The following NINL variants were observed in gnomAD, a reference collection of about 807,000 sequenced individuals.
The protein encoded by NINL is ninein-like protein.
NINL carries 153 observed loss-of-function variants against 160.3 expected under a neutral mutation model. The observed-to-expected ratio is 0.95, with a 90% CI of 0.84 to 1.09. The LOEUF is 1.09. NINL is among the 50% of genes least tolerant of loss of function. The pLI, the probability that NINL is intolerant of heterozygous loss-of-function variation, is 0.00. For missense variants in NINL, 1,829 were observed against 1,764.0 expected, an observed-to-expected ratio of 1.04 and a Z score of -0.66; for synonymous variants, 800 against 734.8, an observed-to-expected ratio of 1.09 and a Z score of -1.43.
Position 25,480,218 on chromosome 20 carries a change from C to G in NINL, c.1860G>C (p.Leu620=), listed in dbSNP as rs901844819. Residue 620 remains leucine (L), a synonymous_variant, in exon 15 of 24, where the codon CTG becomes CTC. Transcript: ENST00000278886. ...NSAPVSIETE[L]MMEQVKEHYQ... is the part of the protein sequence containing the mutation. ...AATGCTCCTTTACCTGCTCCATCAT[C>G]AGCTCCGTTTCTATACTCACTGGAG... 3 of 1,614,012 alleles carry G rather than the reference C, an allele frequency of 1.9e-6. No homozygotes were observed. Among genetic ancestry groups the G allele is most frequent in the African/African-American group, 1.3e-5 (1 of 74,924 alleles).
intron 1 of NINL, among the ~76,000 whole-genome samples, chr20:25,532,397 C>T (rs565204510): frequency 3.3e-5 from 5 of 152,378 alleles, no homozygotes; most frequent in South Asian, 2.1e-4. Flanking sequence ...TGGCAAACAG[C>T]GGTCCCCTCT....
intron 1 of NINL, among the ~76,000 whole-genome samples, chr20:25,566,701 G>C (rs1228115844): frequency 6.6e-6 from 1 of 152,202 alleles, no homozygotes; most frequent in African/African-American, 2.4e-5. Context: ...GGCCAAGGCA[G>C]GAGGCTTGCT....
chr20:25,462,642 ATTTGT>A (rs113237945), intron 19 of NINL, 101 bp from the exon 20 acceptor site: 141 of 838,040 alleles, frequency 1.7e-4, no homozygotes, highest in Middle Eastern at 7.2e-4. Flanking sequence ...TTAAGTAGTC[ATTTGT>A]TTTGTTTTGT....
chr20:25,495,067 G>A (rs1239211072), intron 10 of NINL, among the ~76,000 whole-genome samples: 2 of 152,118 alleles, frequency 1.3e-5, no homozygotes, highest in Non-Finnish European at 2.9e-5. Flanking sequence ...GCTGTTACGT[G>A]AGGCGACCCC....
At chr20:25,501,142 G>C in intron 7 of NINL, 132 bp from the exon 8 acceptor site, 2 of 1,182,544 alleles carry the variant, frequency 1.7e-6, no homozygotes, top group Non-Finnish European at 1.2e-6. Flanking sequence ...ACCATCCTCA[G>C]CTCTCAGAGG....
At position 25,458,435 on chromosome 20, in the gene NINL, C is replaced by T. The variant is rs763276747; in HGVS notation, c.3791G>A (p.Arg1264His). 19 of 1,606,118 alleles carry T rather than the reference C, an allele frequency of 1.2e-5. No individual in the cohort carries two copies. The highest frequency in any genetic ancestry group is 2.7e-5 in the African/African-American group (2 of 75,020). ...CTGCTCTCCCTGAAGGCTGAGCAGG[C>T]GATGCAGCTCGGCCACACGGTCCTG... Reference protein sequence around the residue: ...VPQDRVAELHRLLSLQGEQAR... With the variant: ...VPQDRVAELHHLLSLQGEQAR... Residue 1264 changes from arginine (R) to histidine (H), a missense_variant, in exon 22 of 24, where the codon CGC becomes CAC. Transcript: ENST00000278886.
intron 1 of NINL, among the ~76,000 whole-genome samples, chr20:25,576,012 G>A (rs1373972210): frequency 6.6e-6 from 1 of 152,170 alleles, no homozygotes; most frequent in East Asian, 1.9e-4. Context: ...AGCTCAAGGA[G>A]ACAGTCACAG....
chr20:25,518,249 C>T (rs2064198162), intron 2 of NINL, among the ~76,000 whole-genome samples: 1 of 152,198 alleles, frequency 6.6e-6, no homozygotes. Flanking sequence ...ATGGTGACAG[C>T]TTCCTCGCTT....
intron 1 of NINL, among the ~76,000 whole-genome samples, chr20:25,563,578 C>T (rs1026860042): frequency 2.0e-5 from 3 of 149,142 alleles, no homozygotes; most frequent in African/African-American, 7.5e-5. Flanking sequence ...ATGGTCTAAA[C>T]ACACCAATTA....
intron 1 of NINL, among the ~76,000 whole-genome samples, chr20:25,575,033 G>C (rs1357716031): frequency 6.6e-6 from 1 of 152,078 alleles, no homozygotes; most frequent in African/African-American, 2.4e-5. Flanking sequence ...AAAAAAAAAG[G>C]TTTATCTTAG....
At chr20:25,535,968 G>A (rs187445948) in intron 1 of NINL, among the ~76,000 whole-genome samples, 2 of 152,142 alleles carry the variant, frequency 1.3e-5, no homozygotes, top group Non-Finnish European at 2.9e-5. Context: ...AAACACCCGC[G>A]CCAAGCACAC....
chr20:25,453,558 CGGT>C lies in NINL; in HGVS notation c.4039_4041del (p.Thr1347del). 1 of 1,614,170 alleles carries C rather than the reference CGGT, an allele frequency of 6.2e-7. No homozygotes were observed. Among genetic ancestry groups the C allele is most frequent in the Non-Finnish European group, 8.5e-7 (1 of 1,180,020 alleles). ...TTCTCGGCGCCTCGCTGCTTCTCCT[CGGT>C]GGCCTGAAGTGCTCTCACCAGGTGG... On this transcript the variant is annotated inframe_deletion, in exon 24 of 24. Transcript: ENST00000278886.
At chr20:25,567,811 AAAC>A (rs1476691546) in intron 1 of NINL, among the ~76,000 whole-genome samples, 1 of 152,180 alleles carries the variant, frequency 6.6e-6, no homozygotes, top group East Asian at 1.9e-4. Context: ...CTTGAAAATT[AAAC>A]AACACATCAT....
intron 17 of NINL, 73 bp from the exon 18 acceptor site, chr20:25,470,168 CG>C: frequency 8.2e-7 from 1 of 1,213,288 alleles, no homozygotes. Context: ...GGCTCTGCAG[CG>C]GGGAGTCCTG....
At chr20:25,546,066 C>T (rs914045972) in intron 1 of NINL, among the ~76,000 whole-genome samples, 2 of 151,786 alleles carry the variant, frequency 1.3e-5, no homozygotes, top group Admixed American at 1.3e-4. Context: ...TTGCCTGTGA[C>T]TTCTGCTTCC....
At chr20:25,584,981 T>G (rs1568980022) in intron 1 of NINL, among the ~76,000 whole-genome samples, 1 of 152,158 alleles carries the variant, frequency 6.6e-6, no homozygotes. Context: ...TCCCGCTCCG[T>G]GGGGGGCCGC....
chr20:25,479,943 C>T (rs1470996631), intron 15 of NINL, among the ~76,000 whole-genome samples: 4 of 152,218 alleles, frequency 2.6e-5, no homozygotes, highest in Non-Finnish European at 5.9e-5. Flanking sequence ...CCATTCCCTC[C>T]CCATCAGTCA....
At chr20:25,478,575 C>G (rs1006926288) in intron 16 of NINL, among the ~76,000 whole-genome samples, 6 of 152,214 alleles carry the variant, frequency 3.9e-5, no homozygotes, top group African/African-American at 1.4e-4. Flanking sequence ...GGGCTTCAGG[C>G]CTTTCTCCAT....
intron 19 of NINL, among the ~76,000 whole-genome samples, chr20:25,463,790 T>C (rs1295787717): frequency 6.6e-6 from 1 of 152,190 alleles, no homozygotes; most frequent in African/African-American, 2.4e-5. Flanking sequence ...GGGACGTTTT[T>C]CCATTTGGAT....
Sources: allele counts gnomAD v4.1 joint callset (sites outside exome capture counted in the v4.1 genomes callset), GRCh38; gene constraint gnomAD v4.1.1; transcripts MANE v1.5; gene names NCBI Gene and HGNC (gene_info 2026-07-23, HGNC 2026-07-21).